The following SFPQ variants were observed in gnomAD, a reference collection of about 807,000 sequenced individuals.
SFPQ encodes the protein splicing factor, proline- and glutamine-rich.
A neutral mutation model predicts 72.9 loss-of-function variants in SFPQ; 11 were observed. The ratio of observed to expected loss-of-function variants is 0.15; its 90% CI spans 0.09 to 0.25. SFPQ has a LOEUF of 0.25. Among genes scored for constraint, SFPQ ranks in the 10% least tolerant of loss-of-function variants. The probability of loss-of-function intolerance (pLI) is 1.00; values close to 1 mark genes in which losing one functional copy is unlikely to be tolerated. For synonymous variants in SFPQ, 506 were observed against 367.3 expected, an observed-to-expected ratio of 1.38 and a Z score of -4.32; for missense variants, 847 against 993.3, an observed-to-expected ratio of 0.85 and a Z score of 1.98.
At chr1:35,187,660 G>A (rs969192626) in intron 7 of SFPQ, among the ~76,000 whole-genome samples, 3 of 151,890 alleles carry the variant, frequency 2.0e-5, no homozygotes, top group East Asian at 1.9e-4. Flanking sequence ...GAACCCAGAA[G>A]GCAGATGCTG....
downstream of SFPQ, chr1:35,178,333 T>C (rs1161855545): frequency 9.3e-7 from 1 of 1,080,764 alleles, no homozygotes; most frequent in Non-Finnish European, 1.1e-6. Flanking sequence ...CAAAATATAC[T>C]ATCCCTTATG....
chr1:35,182,323 A>T, downstream of SFPQ: 1 of 985,320 alleles, frequency 1.0e-6, no homozygotes, highest in African/African-American at 1.7e-5. Flanking sequence ...AAAATCTCTT[A>T]TGTATCACCA....
chr1:35,183,340 C>A lies in SFPQ; in HGVS notation c.*1116G>T, dbSNP rs986918122. 1 of 310,640 alleles carries A rather than the reference C, an allele frequency of 3.2e-6. No homozygotes were observed. Among genetic ancestry groups the A allele is most frequent in the African/African-American group, 2.3e-5 (1 of 44,394 alleles). The allele number at this position is 310,640 out of a possible 1,614,324, so 19.2% of individuals were successfully genotyped here. A position where few individuals can be genotyped will look rare whatever the true frequency, so the allele number is the denominator to read the frequency against. ...TCAAGCAATTCTCCTGGCTCAGCCT[C>A]CCGAGTAGCTGGGATTACAGGCGCC... On this transcript the variant is annotated 3_prime_UTR_variant, in exon 10 of 10. Coordinates refer to ENST00000357214, the MANE Select transcript of SFPQ (RefSeq NM_005066.3).
chr1:35,177,928 T>C (rs1417392899), intron 4 of SFPQ: 1 of 771,780 alleles, frequency 1.3e-6, no homozygotes. Flanking sequence ...CATATCTAAA[T>C]GAAATTATTT....
At chr1:35,179,520 C>A, downstream of SFPQ, 2 of 1,054,832 alleles carry the variant, frequency 1.9e-6, no homozygotes, top group East Asian at 5.3e-5. Context: ...AATGCAAGCA[C>A]CTCGGTATAG....
At chr1:35,185,973 A>G (rs1209963006) in intron 9 of SFPQ, among the ~76,000 whole-genome samples, 2 of 152,244 alleles carry the variant, frequency 1.3e-5, no homozygotes, top group African/African-American at 2.4e-5. Context: ...TAGGAAGAAT[A>G]TAAACCAAAA....
chr1:35,182,607 T>C, downstream of SFPQ: 2 of 985,456 alleles, frequency 2.0e-6, no homozygotes, highest in Non-Finnish European at 2.4e-6. Context: ...GGCACAATAC[T>C]AAACTTCAGC....
chr1:35,179,750 T>C, downstream of SFPQ: 1 of 1,055,172 alleles, frequency 9.5e-7, no homozygotes, highest in East Asian at 5.3e-5. Context: ...GAAGTCCATA[T>C]ATTATATACC....
intron 9 of SFPQ, among the ~76,000 whole-genome samples, chr1:35,185,051 G>A (rs1462298246): frequency 6.6e-6 from 1 of 152,202 alleles, no homozygotes; most frequent in African/African-American, 2.4e-5. Context: ...ACCAGTTAGT[G>A]GCATGTGCTG....
At chr1:35,181,022 A>G (rs865780662), downstream of SFPQ, 1 of 1,065,098 alleles carries the variant, frequency 9.4e-7, no homozygotes, top group African/African-American at 1.6e-5. Flanking sequence ...GCTTTACCAT[A>G]CAAGTGTTAG....
downstream of SFPQ, chr1:35,181,003 T>G (rs937817972): frequency 2.8e-6 from 3 of 1,065,268 alleles, no homozygotes; most frequent in Non-Finnish European, 3.4e-6. Flanking sequence ...ACAGTTTTGA[T>G]GTAAGCTAGC....
At position 35,191,464 on chromosome 1, in the gene SFPQ, C is replaced by T. The variant is rs1481590263; in HGVS notation, c.894G>A (p.Arg298=). 6.2e-7 allele frequency: 1 copy of T among 1,614,074 alleles called. No homozygotes were observed. The highest frequency in any genetic ancestry group is 8.5e-7 in the Non-Finnish European group (1 of 1,180,044). The change falls in exon 2 of 10, where the codon CGG becomes CGA. Residue 298 remains arginine, a synonymous_variant. Coordinates refer to ENST00000357214, the MANE Select transcript of SFPQ (RefSeq NM_005066.3). ...PGEKTYTQRC[R]LFVGNLPADI... ...CAGCAGGTAGATTCCCAACAAACAA[C>T]CGACATCGCTGTGTGTAAGTTTTCT...
At chr1:35,179,567 A>G, downstream of SFPQ, 2 of 1,052,628 alleles carry the variant, frequency 1.9e-6, no homozygotes, top group Non-Finnish European at 2.3e-6. Flanking sequence ...CAGCTTTTTG[A>G]GTTTTTTAAA....
Position 35,183,198 on chromosome 1 carries a change from A to G in SFPQ, c.*1258T>C, listed in dbSNP as rs114634491. On this transcript the variant is annotated 3_prime_UTR_variant, in exon 10 of 10. Coordinates refer to ENST00000357214, the MANE Select transcript of SFPQ (RefSeq NM_005066.3). ...AAAGTTACAGAGTACAAATGTATAT[A>G]TAACTAAACCTACTTCAGTACTAAA... 6.5e-4 allele frequency: 662 copies of G among 1,014,792 alleles called. 3 individuals are homozygous for G. The African/African-American group carries it at 0.01, about 16-fold the overall frequency. 62.9% of individuals were successfully genotyped at this position (1,014,792 alleles called of 1,614,324 possible). A position where few individuals can be genotyped will look rare whatever the true frequency, so the allele number is the denominator to read the frequency against.
In SFPQ at chr1:35,189,169, C is replaced by T. The variant is rs919729325; in HGVS notation, c.1612+17G>A. 3 of 1,613,416 alleles carry T rather than the reference C, an allele frequency of 1.9e-6. No individual in the cohort carries two copies. Among genetic ancestry groups the T allele is most frequent in the Non-Finnish European group, 2.5e-6 (3 of 1,179,710 alleles). ...CAATTGACCTTAGCAATGATGTTCA[C>T]GCACAGGTCTTTTTACCTTGGCGCA... On this transcript the variant is annotated intron_variant, in intron 5 of 9. Coordinates refer to ENST00000357214, the MANE Select transcript of SFPQ (RefSeq NM_005066.3).
chr1:35,182,485 A>G, downstream of SFPQ: 3 of 985,390 alleles, frequency 3.0e-6, no homozygotes, highest in Non-Finnish European at 3.6e-6. Flanking sequence ...CAGTCATACA[A>G]CCAGTATTTG....
chr1:35,179,626 A>C, downstream of SFPQ: 1 of 1,054,934 alleles, frequency 9.5e-7, no homozygotes, highest in Middle Eastern at 4.3e-4. Context: ...TACAAATTAA[A>C]GCTAGTAAGA....
At chr1:35,187,741 C>A (rs1639790771) in intron 7 of SFPQ, among the ~76,000 whole-genome samples, 1 of 150,898 alleles carries the variant, frequency 6.6e-6, no homozygotes, top group Admixed American at 6.6e-5. Flanking sequence ...AAAAAAAAAA[C>A]CAAACAAACA....
Position 35,184,126 on chromosome 1 carries a change from C to T in SFPQ, c.*330G>A. The T allele has an allele frequency of 1.8e-6, 2 of 1,134,044 alleles. No individual in the cohort carries two copies. Among genetic ancestry groups the T allele is most frequent in the Non-Finnish European group, 2.2e-6 (2 of 924,674 alleles). The allele number at this position is 1,134,044 out of a possible 1,614,324, so 70.2% of individuals were successfully genotyped here. On this transcript the variant is annotated 3_prime_UTR_variant, in exon 10 of 10. Transcript: ENST00000357214. ...GCAAAGTTGAAGATCAATATTATAA[C>T]TATTTTTCTATTTATTTGAAGCACA...
Sources: gnomAD v4.1 joint callset for allele counts (sites outside exome capture counted in the v4.1 genomes callset) on GRCh38, gnomAD v4.1.1 for gene constraint, MANE v1.5 for transcripts, NCBI Gene and HGNC (gene_info 2026-07-23, HGNC 2026-07-21) for gene names.